SNX29: variants seen among roughly 807,000 people sequenced by gnomAD.
SNX29 encodes sorting nexin-29.
In SNX29, 78 loss-of-function variants were observed where a neutral mutation model predicts 102.1. That is an observed-to-expected ratio of 0.76 (90% CI 0.64 to 0.92). The LOEUF is 0.92. Among genes scored for constraint, SNX29 ranks in the 40% least tolerant of loss-of-function variants. The pLI is 0.00. For missense variants in SNX29, 1,280 were observed against 1,061.7 expected (o/e 1.21, Z -2.86); for synonymous variants, 580 against 414.5 (o/e 1.40, Z -4.85).
intron 1 of SNX29, among the ~76,000 whole-genome samples, chr16:11,989,916 T>C (rs1490037107): frequency 6.6e-6 from 1 of 152,176 alleles, no homozygotes; most frequent in African/African-American, 2.4e-5. Context: ...GGCAGCACTT[T>C]GATGATGTAG....
chr16:12,206,170 AGAGCTCTTGT>A (rs1467354672), intron 14 of SNX29, among the ~76,000 whole-genome samples: 1 of 152,212 alleles, frequency 6.6e-6, no homozygotes, highest in Non-Finnish European at 1.5e-5. Context: ...TGTGTCATTC[AGAGCTCTTGT>A]GATGACAGGA....
chr16:11,986,374 T>TAAAAATAA (rs2055626185), intron 1 of SNX29, among the ~76,000 whole-genome samples: 1 of 131,090 alleles, frequency 7.6e-6, no homozygotes. Flanking sequence ...TCCTACAACT[T>TAAAAATAA]AAAAAAAAAA....
chr16:11,999,123 G>A (rs2151013340), intron 1 of SNX29, among the ~76,000 whole-genome samples, 174 bp from the exon 2 acceptor site: 1 of 152,276 alleles, frequency 6.6e-6, no homozygotes, highest in Middle Eastern at 3.4e-3. Flanking sequence ...TAGTTTAGCT[G>A]TTTTCCTTTG....
chr16:12,298,337 T>G (rs560132799), intron 15 of SNX29, among the ~76,000 whole-genome samples: 2 of 152,312 alleles, frequency 1.3e-5, no homozygotes, highest in African/African-American at 4.8e-5. Context: ...TTCCTTAGAC[T>G]CCTCATCCCC....
intron 19 of SNX29, among the ~76,000 whole-genome samples, chr16:12,492,570 ATTGC>A (rs2088605899): frequency 6.6e-6 from 1 of 152,092 alleles, no homozygotes; most frequent in East Asian, 1.9e-4. Flanking sequence ...TTTTGTTGCC[ATTGC>A]TTTTGGTGTT....
intron 14 of SNX29, among the ~76,000 whole-genome samples, chr16:12,213,003 A>T (rs2077228145): frequency 6.6e-6 from 1 of 151,980 alleles, no homozygotes; most frequent in African/African-American, 2.4e-5. Context: ...AATCCCAGCT[A>T]CTCGGGAGGC....
chr16:12,181,298 A>C (rs751406488), intron 13 of SNX29, among the ~76,000 whole-genome samples: 56 of 152,322 alleles, frequency 3.7e-4, no homozygotes, highest in Non-Finnish European at 7.6e-4. Context: ...TGGTCAGAGC[A>C]TGGTTGGGTT....
intron 20 of SNX29, among the ~76,000 whole-genome samples, chr16:12,539,363 C>CTGA (rs1198345225): frequency 3.3e-5 from 5 of 151,998 alleles, no homozygotes; most frequent in Admixed American, 2.6e-4. Flanking sequence ...ATACTGTAAG[C>CTGA]AACCTCTTGA....
chr16:12,005,620 C>T (rs1228486421), intron 3 of SNX29, among the ~76,000 whole-genome samples: 1 of 152,096 alleles, frequency 6.6e-6, no homozygotes, highest in African/African-American at 2.4e-5. Context: ...TCTTCATTAC[C>T]ATGCTGTCCA....
intron 13 of SNX29, among the ~76,000 whole-genome samples, chr16:12,171,914 C>G (rs12920500): frequency 6.6e-6 from 1 of 152,178 alleles, no homozygotes; most frequent in Non-Finnish European, 1.5e-5. Flanking sequence ...CCTGACCTCT[C>G]TGGGCCCCAG....
chr16:12,486,168 T>G (rs1037202126), intron 19 of SNX29, among the ~76,000 whole-genome samples: 2 of 152,198 alleles, frequency 1.3e-5, no homozygotes, highest in African/African-American at 4.8e-5. Flanking sequence ...TCCTCTGTCT[T>G]CCGTGTTGCC....
rs1019050202 is a variant in SNX29 at position 12,398,517 on chromosome 16, G to C, written c.1955+16G>C. 2 of 1,613,836 alleles carry C rather than the reference G, an allele frequency of 1.2e-6. No homozygotes were observed. Among genetic ancestry groups the C allele is most frequent in the African/African-American group, 2.7e-5 (2 of 74,908 alleles). On this transcript the variant is annotated intron_variant, in intron 17 of 20. Coordinates refer to ENST00000566228, the MANE Select transcript of SNX29 (RefSeq NM_032167.5). ...ATTTTGAAATGTAAGTCCACAGCCT[G>C]TGCTCACAAGGGGTCCTTTAGAAAC...
chr16:12,384,140 C>G (rs537222929), intron 16 of SNX29, among the ~76,000 whole-genome samples: 1 of 152,310 alleles, frequency 6.6e-6, no homozygotes, highest in African/African-American at 2.4e-5. Flanking sequence ...ATTTAGGTTG[C>G]TTCCAAATCT....
At chr16:12,550,061 G>C (rs34945677) in intron 20 of SNX29, among the ~76,000 whole-genome samples, 32,346 of 152,150 alleles carry the variant, frequency 0.21, 3,876 homozygotes, top group East Asian at 0.46. Context: ...AGTATGTTTA[G>C]TCTCACCCTT....
intron 3 of SNX29, among the ~76,000 whole-genome samples, chr16:12,004,233 T>C (rs1429408407): frequency 1.3e-5 from 2 of 149,752 alleles, no homozygotes; most frequent in East Asian, 3.9e-4. Context: ...CCCAGCTACT[T>C]GGGAGACTGA....
intron 19 of SNX29, among the ~76,000 whole-genome samples, chr16:12,498,411 ATGC>A (rs2088938331): frequency 6.6e-6 from 1 of 152,200 alleles, no homozygotes; most frequent in South Asian, 2.1e-4. Flanking sequence ...TAAAAAAAAA[ATGC>A]TTGCTTGGGA....
chr16:12,135,938 G>T (rs549683407), intron 13 of SNX29, among the ~76,000 whole-genome samples: 2 of 152,204 alleles, frequency 1.3e-5, no homozygotes, highest in Admixed American at 6.5e-5. Flanking sequence ...GTGTTCCTCG[G>T]GGGGAGCCCC....
intron 19 of SNX29, among the ~76,000 whole-genome samples, chr16:12,495,265 C>T (rs556365763): frequency 6.6e-6 from 1 of 152,318 alleles, no homozygotes; most frequent in East Asian, 1.9e-4. Flanking sequence ...AATCCTCCTG[C>T]CTCATCCTCC....
intron 18 of SNX29, among the ~76,000 whole-genome samples, chr16:12,417,968 TCTCTGAG>T (rs1270649551): frequency 6.6e-6 from 1 of 152,066 alleles, no homozygotes; most frequent in Non-Finnish European, 1.5e-5. Context: ...CAGCATTGAG[TCTCTGAG>T]CTCCTGGGAA....
Sources: gnomAD v4.1 joint callset for allele counts (sites outside exome capture counted in the v4.1 genomes callset) on GRCh38, gnomAD v4.1.1 for gene constraint, MANE v1.5 for transcripts, NCBI Gene and HGNC (gene_info 2026-07-23, HGNC 2026-07-21) for gene names.